Variants in CCDC30 observed in about 807,000 individuals in gnomAD.
CCDC30 encodes the protein coiled-coil domain containing 30.
CCDC30 carries 70 observed loss-of-function variants against 100.2 expected under a neutral mutation model. The ratio of observed to expected loss-of-function variants is 0.70; its 90% CI spans 0.58 to 0.85. The LOEUF is 0.85. Among genes scored for constraint, CCDC30 ranks in the 40% least tolerant of loss-of-function variants. CCDC30 has a pLI of 0.00. For synonymous variants in CCDC30, 233 were observed against 269.5 expected (o/e 0.86, Z 1.33); for missense variants, 652 against 771.2 (o/e 0.85, Z 1.83).
chr1:42,456,144 G>A, the CCDC30 span: 8 of 665,084 alleles, frequency 1.2e-5, no homozygotes, highest in African/African-American at 1.3e-4. Context: ...ACATCTGGGT[G>A]TATTGCTGAA....
At chr1:42,478,868 G>A (rs1643913789) in intron 1 of CCDC30, among the ~76,000 whole-genome samples, 1 of 152,008 alleles carries the variant, frequency 6.6e-6, no homozygotes, top group African/African-American at 2.4e-5. Context: ...TTTGGTTAAA[G>A]CTAATATTTT....
intron 1 of CCDC30, among the ~76,000 whole-genome samples, chr1:42,465,122 C>T (rs978900673): frequency 9.9e-5 from 15 of 152,124 alleles, no homozygotes; most frequent in African/African-American, 3.6e-4. Flanking sequence ...TTAACCTGGG[C>T]AAACATGGCA....
intron 9 of CCDC30, among the ~76,000 whole-genome samples, chr1:42,583,703 T>A (rs1388596943): frequency 6.6e-6 from 1 of 152,210 alleles, no homozygotes; most frequent in Non-Finnish European, 1.5e-5. Flanking sequence ...AATATATATT[T>A]AATAAAAGCC....
At chr1:42,597,228 A>G (rs1261549046) in intron 10 of CCDC30, among the ~76,000 whole-genome samples, 2 of 152,178 alleles carry the variant, frequency 1.3e-5, no homozygotes, top group African/African-American at 4.8e-5. Context: ...AGAAATAGAG[A>G]AAGGAACAGA....
chr1:42,461,379 A>G (rs1292844946), upstream of CCDC30, among the ~76,000 whole-genome samples: 2 of 152,186 alleles, frequency 1.3e-5, no homozygotes, highest in African/African-American at 4.8e-5. Context: ...TTAGTCACCC[A>G]GGTTGGAGTG....
intron 7 of CCDC30, chr1:42,571,157 T>A (rs989795998): frequency 5.3e-5 from 8 of 152,252 alleles, no homozygotes; most frequent in Non-Finnish European, 8.8e-5. Flanking sequence ...TTACCTTTCT[T>A]GGCCTGTGGA....
chr1:42,564,891 T>C (rs942672288), intron 6 of CCDC30, among the ~76,000 whole-genome samples: 1 of 152,132 alleles, frequency 6.6e-6, no homozygotes. Flanking sequence ...TTCAACTTTA[T>C]GAGTTCAACT....
chr1:42,639,755 C>T (rs193094407), intron 12 of CCDC30, among the ~76,000 whole-genome samples: 2 of 152,174 alleles, frequency 1.3e-5, no homozygotes, highest in African/African-American at 4.8e-5. Context: ...TAAAGTGGTA[C>T]TTGGTACATA....
chr1:42,502,706 C>T (rs2783378), intron 6 of CCDC30, among the ~76,000 whole-genome samples: 52,909 of 151,982 alleles, frequency 0.35, 9,378 homozygotes, highest in East Asian at 0.39. Context: ...CTGCCCCCTC[C>T]CCCCAGCCTC....
intron 15 of CCDC30, among the ~76,000 whole-genome samples, chr1:42,647,189 C>T (rs533672719): frequency 2.0e-4 from 31 of 152,030 alleles, no homozygotes; most frequent in African/African-American, 7.5e-4. Flanking sequence ...TATATACTGC[C>T]CTCAAGAAAC....
chr1:42,496,465 AATAT>A (rs148092977), intron 4 of CCDC30, among the ~76,000 whole-genome samples: 1 of 151,050 alleles, frequency 6.6e-6, no homozygotes, highest in African/African-American at 2.4e-5. Flanking sequence ...TATTACTATA[AATAT>A]ATATATATAA....
At chr1:42,509,731 T>C (rs1006233697) in intron 6 of CCDC30, among the ~76,000 whole-genome samples, 4 of 152,144 alleles carry the variant, frequency 2.6e-5, no homozygotes, top group African/African-American at 4.8e-5. Flanking sequence ...AGACACACAA[T>C]GCACACTAGA....
intron 16 of CCDC30, 27 bp from the exon 21 acceptor site, chr1:42,653,791 G>T: frequency 5.1e-6 from 8 of 1,557,992 alleles, no homozygotes; most frequent in Non-Finnish European, 7.1e-6. Flanking sequence ...CTATGTACAT[G>T]ATGTCCTCAC....
intron 11 of CCDC30, among the ~76,000 whole-genome samples, chr1:42,616,139 C>G (rs1261383522): frequency 6.6e-6 from 1 of 152,212 alleles, no homozygotes; most frequent in Non-Finnish European, 1.5e-5. Flanking sequence ...TGGTCTCGAA[C>G]TCCTGACCTC....
intron 6 of CCDC30, among the ~76,000 whole-genome samples, chr1:42,501,848 G>T (rs1175901973): frequency 6.6e-6 from 1 of 152,080 alleles, no homozygotes; most frequent in Non-Finnish European, 1.5e-5. Flanking sequence ...GGCCATATGA[G>T]GTGTCAGTCT....
At chr1:42,633,010 G>A (rs1042538360) in intron 11 of CCDC30, among the ~76,000 whole-genome samples, 3 of 152,020 alleles carry the variant, frequency 2.0e-5, no homozygotes, top group Non-Finnish European at 4.4e-5. Context: ...TGGTTTCACC[G>A]TGTTGGCCAG....
intron 9 of CCDC30, among the ~76,000 whole-genome samples, chr1:42,586,759 A>T (rs2148601724): frequency 6.6e-6 from 1 of 152,280 alleles, no homozygotes; most frequent in African/African-American, 2.4e-5. Context: ...AGTAATGGGG[A>T]GCCACTATAG....
At chr1:42,545,726 C>T (rs545833657) in intron 6 of CCDC30, 147 bp downstream of exon 9, 3 of 463,130 alleles carry the variant, frequency 6.5e-6, no homozygotes, top group Middle Eastern at 5.9e-4. Flanking sequence ...GCAGGCAGAT[C>T]GCTTGAGCTC....
chr1:42,628,437 G>C (rs1004085840), intron 11 of CCDC30, among the ~76,000 whole-genome samples: 1 of 152,160 alleles, frequency 6.6e-6, no homozygotes, highest in African/African-American at 2.4e-5. Context: ...GGCAAAGCAT[G>C]ATTGGTTTTG....
Sources: allele counts gnomAD v4.1 joint callset (sites outside exome capture counted in the v4.1 genomes callset), GRCh38; gene constraint gnomAD v4.1.1; transcripts MANE v1.5; gene names NCBI Gene and HGNC (gene_info 2026-07-23, HGNC 2026-07-21).